GUCY1A2: variants seen among roughly 807,000 people sequenced by gnomAD.
GUCY1A2 encodes guanylate cyclase soluble subunit alpha-2.
A neutral mutation model predicts 63.5 loss-of-function variants in GUCY1A2; 27 were observed. That is an observed-to-expected ratio of 0.43 (90% CI 0.31 to 0.59). The LOEUF is 0.59. GUCY1A2 is among the 20% of genes least tolerant of loss of function. GUCY1A2 has a pLI of 0.11. For synonymous variants in GUCY1A2, 364 were observed against 343.5 expected (o/e 1.06, Z -0.66); for missense variants, 768 against 913.3 (o/e 0.84, Z 2.05).
At chr11:107,012,917 T>C (rs1260966452) in intron 1 of GUCY1A2, among the ~76,000 whole-genome samples, 1 of 152,234 alleles carries the variant, frequency 6.6e-6, no homozygotes, top group East Asian at 1.9e-4. Context: ...GTCTACATGT[T>C]AGTTACACAC....
chr11:106,952,094 T>G (rs1360043972), intron 3 of GUCY1A2, among the ~76,000 whole-genome samples: 1 of 152,198 alleles, frequency 6.6e-6, no homozygotes, highest in Non-Finnish European at 1.5e-5. Context: ...TCCATTGGTC[T>G]ATATGTCGGT....
At chr11:106,928,143 G>A (rs970457705) in intron 4 of GUCY1A2, among the ~76,000 whole-genome samples, 1 of 152,110 alleles carries the variant, frequency 6.6e-6, no homozygotes, top group African/African-American at 2.4e-5. Context: ...ATAAATCATA[G>A]TATGAGTTCT....
intron 5 of GUCY1A2, among the ~76,000 whole-genome samples, chr11:106,794,319 G>A (rs1352857079): frequency 6.6e-6 from 1 of 152,116 alleles, no homozygotes; most frequent in Non-Finnish European, 1.5e-5. Context: ...ACAGAGAGTA[G>A]AATGGTGTTT....
intron 4 of GUCY1A2, among the ~76,000 whole-genome samples, chr11:106,887,624 T>C (rs1257158597): frequency 6.6e-6 from 1 of 152,210 alleles, no homozygotes; most frequent in African/African-American, 2.4e-5. Context: ...TCAATGACTC[T>C]GAGTCACACT....
chr11:106,883,241 C>G (rs964995746), intron 4 of GUCY1A2, among the ~76,000 whole-genome samples: 1 of 152,118 alleles, frequency 6.6e-6, no homozygotes, highest in African/African-American at 2.4e-5. Context: ...GATGATTTGA[C>G]ATTGATCTCT....
rs1417368966 is a variant in GUCY1A2, at chr11:107,018,111, C to T, written c.-56G>A. The T allele has an allele frequency of 4.2e-5, 51 of 1,202,154 alleles. No individual in the cohort carries two copies. The highest frequency in any genetic ancestry group is 5.6e-5 in the Non-Finnish European group (51 of 914,760). 74.5% of individuals were successfully genotyped at this position (1,202,154 alleles called of 1,614,324 possible). A position where few individuals can be genotyped will look rare whatever the true frequency, so the allele number is the denominator to read the frequency against. On this transcript the variant is annotated 5_prime_UTR_variant, in exon 1 of 8. Transcript: ENST00000526355. ...GTGGCGGCGAGGACGCGAGCGGCGG[C>T]GGAGGCGGCGGTGGCGGGACCGGCA...
intron 6 of GUCY1A2, among the ~76,000 whole-genome samples, chr11:106,734,997 T>C (rs1863564677): frequency 1.3e-5 from 2 of 152,046 alleles, no homozygotes; most frequent in Non-Finnish European, 2.9e-5. Context: ...TTTTTTTAAT[T>C]TTTTATTTTT....
At position 106,962,459 on chromosome 11, in the gene GUCY1A2, G is replaced by A. The variant is rs371389482; in HGVS notation, c.487+16160C>T. ...AGTCCCACCTACTTGGGAGGCTGAG[G>A]CAGGAGAATCGCTTAAACCCGGGAG... On this transcript the variant is annotated intron_variant, in intron 3 of 7. Transcript: ENST00000526355. 1.9e-4 allele frequency among the ~76,000 whole-genome samples: 29 copies of A among 151,554 alleles called. No homozygotes were observed. The East Asian group carries it at 4.1e-3, about 21-fold the overall frequency.
chr11:106,826,948 G>C, intron 4 of GUCY1A2: 2 of 1,610,378 alleles, frequency 1.2e-6, no homozygotes, highest in Middle Eastern at 2.3e-4. Flanking sequence ...AACTCCTGTA[G>C]CACTGACAAT....
At chr11:106,772,370 AAC>A (rs1864273312) in intron 6 of GUCY1A2, among the ~76,000 whole-genome samples, 2 of 152,132 alleles carry the variant, frequency 1.3e-5, no homozygotes, top group African/African-American at 4.8e-5. Context: ...ACTCTACTAC[AAC>A]ACCCCAGCAG....
intron 1 of GUCY1A2, among the ~76,000 whole-genome samples, chr11:107,000,274 T>C (rs1037244052): frequency 6.6e-6 from 1 of 152,232 alleles, no homozygotes; most frequent in Non-Finnish European, 1.5e-5. Context: ...AAGCATTTAC[T>C]GATCTTTATG....
At chr11:106,825,964 T>G (rs977103250) in intron 4 of GUCY1A2, among the ~76,000 whole-genome samples, 15 of 152,126 alleles carry the variant, frequency 9.9e-5, no homozygotes, top group Non-Finnish European at 1.8e-4. Flanking sequence ...AAACGAGATA[T>G]TGCTACATCT....
intron 1 of GUCY1A2, among the ~76,000 whole-genome samples, chr11:106,986,665 T>C (rs1861405587): frequency 6.6e-6 from 1 of 152,154 alleles, no homozygotes; most frequent in African/African-American, 2.4e-5. Context: ...AAATGATATT[T>C]TTTTCCCCGT....
intron 6 of GUCY1A2, among the ~76,000 whole-genome samples, chr11:106,745,129 GC>G (rs1863764804): frequency 6.6e-6 from 1 of 152,128 alleles, no homozygotes; most frequent in Non-Finnish European, 1.5e-5. Context: ...TGAACGATTT[GC>G]CATGGTTTAT....
chr11:106,874,366 A>G (rs142308968), intron 4 of GUCY1A2, among the ~76,000 whole-genome samples: 1,945 of 152,288 alleles, frequency 0.013, 28 homozygotes, highest in South Asian at 0.048. Flanking sequence ...GAACAAAATC[A>G]GCAATCATAC....
chr11:106,735,565 G>A (rs755264608), intron 6 of GUCY1A2, among the ~76,000 whole-genome samples: 6 of 152,062 alleles, frequency 3.9e-5, no homozygotes, highest in East Asian at 1.9e-4. Context: ...GCAAATCTTG[G>A]CTATTGTGAC....
intron 3 of GUCY1A2, among the ~76,000 whole-genome samples, chr11:106,955,187 G>C (rs2120039312): frequency 6.6e-6 from 1 of 152,094 alleles, no homozygotes; most frequent in Middle Eastern, 3.4e-3. Context: ...GGTCAGGCTG[G>C]TCTTGAACTC....
At chr11:106,843,463 A>G (rs1248804044) in intron 4 of GUCY1A2, among the ~76,000 whole-genome samples, 2 of 151,942 alleles carry the variant, frequency 1.3e-5, no homozygotes, top group African/African-American at 2.4e-5. Flanking sequence ...AGGCACAGAA[A>G]TATACCTGTA....
At chr11:106,793,958 A>G (rs759801701) in intron 5 of GUCY1A2, among the ~76,000 whole-genome samples, 7 of 152,150 alleles carry the variant, frequency 4.6e-5, no homozygotes, top group Non-Finnish European at 7.4e-5. Flanking sequence ...TAAAAAATTA[A>G]AAGTAAAATT....
Sources: allele counts gnomAD v4.1 joint callset (sites outside exome capture counted in the v4.1 genomes callset), GRCh38; gene constraint gnomAD v4.1.1; transcripts MANE v1.5; gene names NCBI Gene and HGNC (gene_info 2026-07-23, HGNC 2026-07-21).